The following STXBP5 variants were observed in gnomAD, a reference collection of about 807,000 sequenced individuals.
STXBP5 encodes the protein syntaxin-binding protein 5.
In STXBP5, 50 loss-of-function variants were observed where a neutral mutation model predicts 152.4. That is an observed-to-expected ratio of 0.33 (90% CI 0.26 to 0.42). The LOEUF (loss-of-function observed/expected upper bound fraction) is 0.42, where lower values mean the gene tolerates loss of function less well. STXBP5 is among the 10% of genes least tolerant of loss of function. STXBP5 has a pLI of 1.00. For missense variants in STXBP5, 1,167 were observed against 1,388.6 expected, an observed-to-expected ratio of 0.84 and a Z score of 2.54; for synonymous variants, 492 against 494.7, an observed-to-expected ratio of 0.99 and a Z score of 0.07.
chr6:147,267,056 G>A (rs374917840), intron 6 of STXBP5, 28 bp from the exon 7 acceptor site: 1 of 1,558,362 alleles, frequency 6.4e-7, no homozygotes. Flanking sequence ...ATCATTCCTA[G>A]GTAATGTGCC....
At chr6:147,220,540 T>C (rs1439964073) in intron 2 of STXBP5, among the ~76,000 whole-genome samples, 3 of 152,152 alleles carry the variant, frequency 2.0e-5, no homozygotes, top group African/African-American at 7.2e-5. Context: ...TTTTGTCTCA[T>C]ATATTTTGAC....
chr6:147,218,632 C>T (rs540873033), intron 2 of STXBP5, among the ~76,000 whole-genome samples: 63 of 152,216 alleles, frequency 4.1e-4, no homozygotes, highest in Admixed American at 1.2e-3. Context: ...AGGTGCACAC[C>T]ATCACACCCA....
rs1776447258 is a variant in STXBP5 at position 147,204,705 on chromosome 6, C to T, written c.150+23C>T. Reference sequence around the variant, plus strand: ...AAGGTGAACGGAGCGCGCAGCCCCGCGACACCGTCATTGAAAAATTGGGGT... The same window carrying T: ...AAGGTGAACGGAGCGCGCAGCCCCGTGACACCGTCATTGAAAAATTGGGGT... On this transcript the variant is annotated intron_variant, in intron 1 of 27. Coordinates refer to ENST00000321680, the MANE Select transcript of STXBP5 (RefSeq NM_001127715.4). This position sits in a 1 kb window ranked among gnomAD's most constrained non-coding sequence, Gnocchi z 4.3. 12 of 1,534,320 alleles carry T rather than the reference C, an allele frequency of 7.8e-6. No homozygotes were observed. Among genetic ancestry groups the T allele is most frequent in the Non-Finnish European group, 1.1e-5 (12 of 1,138,208 alleles).
intron 16 of STXBP5, among the ~76,000 whole-genome samples, chr6:147,322,928 G>C (rs887971493): frequency 1.3e-5 from 2 of 152,092 alleles, no homozygotes; most frequent in Non-Finnish European, 2.9e-5. Flanking sequence ...GTTTAGTTCA[G>C]CATGGATTTA....
intron 26 of STXBP5, among the ~76,000 whole-genome samples, chr6:147,376,550 C>G (rs192882206): frequency 6.3e-4 from 96 of 152,258 alleles, no homozygotes; most frequent in African/African-American, 2.2e-3. Flanking sequence ...AGCGTCGAGT[C>G]TCACACCTGT....
At chr6:147,363,901 A>G (rs2128414055) in intron 24 of STXBP5, 100 bp from the exon 25 acceptor site, 2 of 1,415,886 alleles carry the variant, frequency 1.4e-6, no homozygotes, top group Middle Eastern at 1.8e-4. Context: ...TACAAACTAA[A>G]TCATAAGATT....
chr6:147,240,150 C>T (rs891246499), intron 4 of STXBP5, among the ~76,000 whole-genome samples: 4 of 152,114 alleles, frequency 2.6e-5, no homozygotes, highest in East Asian at 1.9e-4. Context: ...CCATGTTGGC[C>T]AGGCTGGTCT....
intron 21 of STXBP5, among the ~76,000 whole-genome samples, chr6:147,347,456 G>A (rs1005360403): frequency 3.3e-5 from 5 of 152,190 alleles, no homozygotes; most frequent in Admixed American, 1.3e-4. Flanking sequence ...GAAAGCCATG[G>A]TAGGAAGACT....
intron 6 of STXBP5, among the ~76,000 whole-genome samples, chr6:147,266,304 G>A (rs1048628948): frequency 3.3e-5 from 5 of 151,908 alleles, no homozygotes; most frequent in South Asian, 2.1e-4. Flanking sequence ...TACCCTGTTC[G>A]GTTTGTATTC....
At chr6:147,368,581 C>G (rs969163681) in intron 25 of STXBP5, among the ~76,000 whole-genome samples, 1 of 152,110 alleles carries the variant, frequency 6.6e-6, no homozygotes, top group Non-Finnish European at 1.5e-5. Context: ...AATGTTCACT[C>G]TCACCACTTA....
chr6:147,223,709 G>A (rs1428003689), intron 2 of STXBP5, among the ~76,000 whole-genome samples: 2 of 152,180 alleles, frequency 1.3e-5, no homozygotes, highest in Non-Finnish European at 2.9e-5. Context: ...GATTCAGTGA[G>A]TATGGCAAGG....
In STXBP5 at chr6:147,239,139, T is replaced by C. The variant is rs777401721; in HGVS notation, c.331-31T>C. ...GACTTCATGTTTATAAAATATATTA[T>C]ACATGAAATGTGTTATACTTGATTT... On this transcript the variant is annotated intron_variant, in intron 3 of 27. Transcript: ENST00000321680. The C allele has an allele frequency of 3.2e-6, 5 of 1,561,712 alleles. No individual in the cohort carries two copies. In the South Asian group the frequency reaches 3.4e-5, roughly 11 times the overall value.
intron 4 of STXBP5, among the ~76,000 whole-genome samples, chr6:147,244,902 T>G (rs1246920094): frequency 1.3e-5 from 2 of 152,090 alleles, no homozygotes; most frequent in Non-Finnish European, 2.9e-5. Context: ...AATTATCACT[T>G]TATCTTTGGT....
intron 19 of STXBP5, among the ~76,000 whole-genome samples, chr6:147,336,787 A>G (rs1385218173): frequency 6.6e-6 from 1 of 152,166 alleles, no homozygotes; most frequent in Non-Finnish European, 1.5e-5. Flanking sequence ...AGACCAATAT[A>G]GAAATATAAA....
chr6:147,335,931 T>C (rs1276839356), intron 19 of STXBP5, among the ~76,000 whole-genome samples: 1 of 152,242 alleles, frequency 6.6e-6, no homozygotes, highest in African/African-American at 2.4e-5. Context: ...AGGAAAGTAA[T>C]AGAGAAGTTC....
At chr6:147,354,067 A>T (rs1784710847) in intron 22 of STXBP5, among the ~76,000 whole-genome samples, 1 of 145,090 alleles carries the variant, frequency 6.9e-6, no homozygotes, top group African/African-American at 2.4e-5. Context: ...GTTGCCTTTA[A>T]CTAAATAGGT....
intron 18 of STXBP5, among the ~76,000 whole-genome samples, chr6:147,330,489 A>G (rs979089834): frequency 3.4e-4 from 52 of 152,266 alleles, no homozygotes; most frequent in African/African-American, 1.2e-3. Context: ...TAATTGGTGA[A>G]TTTAAAAGGG....
At chr6:147,312,539 G>T (rs1782436228) in intron 11 of STXBP5, among the ~76,000 whole-genome samples, 1 of 152,058 alleles carries the variant, frequency 6.6e-6, no homozygotes, top group Non-Finnish European at 1.5e-5. Flanking sequence ...TGGGTTTGAG[G>T]GTGTTGCGAC....
At position 147,204,462 on chromosome 6, in the gene STXBP5, C is replaced by A; in HGVS notation, c.-71C>A. ...CCGCGGTCGAAGCTGCCTTCGGCCC[C>A]GGGTGGTCTCCCCCGCCCGGGGACC... On this transcript the variant is annotated 5_prime_UTR_variant, in exon 1 of 28. Transcript: ENST00000321680. The surrounding 1 kb of genome is among the most constrained non-coding windows in gnomAD (Gnocchi z 4.3). 4.6e-6 allele frequency: 7 copies of A among 1,532,226 alleles called. No individual in the cohort carries two copies. Among genetic ancestry groups the A allele is most frequent in the Non-Finnish European group, 6.2e-6 (7 of 1,129,990 alleles). 94.9% of individuals were successfully genotyped at this position (1,532,226 alleles called of 1,614,324 possible).
Sources: allele counts gnomAD v4.1 joint callset (sites outside exome capture counted in the v4.1 genomes callset), GRCh38; gene constraint gnomAD v4.1.1; non-coding constraint Gnocchi (gnomAD v3.1); transcripts MANE v1.5; gene names NCBI Gene and HGNC (gene_info 2026-07-23, HGNC 2026-07-21).